The following SWT1 variants were observed in gnomAD, a reference collection of about 807,000 sequenced individuals.
SWT1 encodes the protein transcriptional protein SWT1.
Under a neutral mutation model 107.3 loss-of-function variants are expected in SWT1, and 33 were observed. The observed-to-expected ratio is 0.31, with a 90% CI of 0.23 to 0.41. The LOEUF (loss-of-function observed/expected upper bound fraction) is 0.41, where lower values mean the gene tolerates loss of function less well. Ranked by LOEUF, SWT1 falls within the 10% of genes least tolerant of loss-of-function variation. SWT1 has a pLI of 1.00. For missense variants in SWT1, 898 were observed against 1,028.9 expected (o/e 0.87, Z 1.74); for synonymous variants, 345 against 348.3 (o/e 0.99, Z 0.11).
chr1:185,263,803 A>G, intron 16 of SWT1: 1 of 152,046 alleles, frequency 6.6e-6, no homozygotes, highest in Non-Finnish European at 1.5e-5. Context: ...TTACCCTGGC[A>G]GAAGATTGTA....
Position 185,175,052 on chromosome 1 carries a change from G to A in SWT1, c.905G>A (p.Arg302Gln), listed in dbSNP as rs1364296965. The change falls in exon 5 of 19, where the codon CGA (arginine) becomes CAA (glutamine). Residue 302 changes from arginine (R) to glutamine (Q), a missense_variant. Coordinates refer to ENST00000367500, the MANE Select transcript of SWT1 (RefSeq NM_017673.7). ...AAGCGGACTGTTCATGAGTGGAAAC[G>A]AAAACATCATTATGACCATCAAGAA... ...TYKRTVHEWK[R>Q]KHHYDHQESN... The A allele has an allele frequency of 5.0e-6, 8 of 1,596,668 alleles. No homozygotes were observed. In the African/African-American group the frequency reaches 8.1e-5, roughly 16 times the overall value.
In SWT1 at chr1:185,176,373, T is replaced by TA. The variant is rs1453349952; in HGVS notation, c.966+1261dup. Among the ~76,000 whole-genome samples the TA allele has an allele frequency of 2.7e-5, 4 of 150,302 alleles. No homozygotes were observed. In the East Asian group the frequency reaches 7.8e-4, roughly 29 times the overall value. ...ACAGACCTAAAGAATGAGTCGAAGTTACTTAAGTGGAGGTGAAGTGAGGTA... is the reference window on the plus strand; with the variant it reads ...ACAGACCTAAAGAATGAGTCGAAGTTAACTTAAGTGGAGGTGAAGTGAGGTA... On this transcript the variant is annotated intron_variant, in intron 5 of 18. Coordinates refer to ENST00000367500, the MANE Select transcript of SWT1 (RefSeq NM_017673.7).
intron 16 of SWT1, among the ~76,000 whole-genome samples, chr1:185,257,099 C>T (rs1327358121): frequency 2.0e-5 from 3 of 152,112 alleles, no homozygotes; most frequent in Non-Finnish European, 4.4e-5. Flanking sequence ...GCTCGGGGGT[C>T]AGGTGTCAGG....
intron 9 of SWT1, among the ~76,000 whole-genome samples, chr1:185,187,509 G>C (rs909729535): frequency 1.7e-4 from 26 of 152,016 alleles, no homozygotes; most frequent in African/African-American, 6.3e-4. Flanking sequence ...ACCAGACACT[G>C]TTCCAAGTGT....
intron 16 of SWT1, chr1:185,262,423 T>C (rs960305925): frequency 1.3e-5 from 2 of 152,168 alleles, no homozygotes; most frequent in African/African-American, 4.8e-5. Context: ...GCAAAGAAAG[T>C]ATTTAACAAC....
intron 12 of SWT1, among the ~76,000 whole-genome samples, chr1:185,205,101 G>T (rs1387069030): frequency 6.6e-6 from 1 of 151,906 alleles, no homozygotes; most frequent in Non-Finnish European, 1.5e-5. Context: ...TGCATCTGCT[G>T]TGTGTCAGAT....
At position 185,205,649 on chromosome 1, in the gene SWT1, G is replaced by A. The variant is rs190248253; in HGVS notation, c.1833+786G>A. Among the ~76,000 whole-genome samples the A allele has an allele frequency of 2.1e-3, 324 of 152,266 alleles. 2 individuals carry two copies. The highest frequency in any genetic ancestry group is 6.1e-3 in the African/African-American group (254 of 41,530). On this transcript the variant is annotated intron_variant, in intron 12 of 18. Coordinates refer to ENST00000367500, the MANE Select transcript of SWT1 (RefSeq NM_017673.7). ...CTCCCATAGTGCTGGGATTACAGGC[G>A]TGAGCATTTATAGCTAGGAGAAACA...
chr1:185,184,967 T>C (rs757745518), intron 9 of SWT1, 36 bp downstream of exon 9: 2 of 1,365,630 alleles, frequency 1.5e-6, no homozygotes, highest in Admixed American at 2.7e-5. Flanking sequence ...TCCTGATTAA[T>C]ACTTGTTTGG....
intron 14 of SWT1, among the ~76,000 whole-genome samples, chr1:185,219,533 T>G (rs1166998454): frequency 6.6e-6 from 1 of 152,194 alleles, no homozygotes; most frequent in Admixed American, 6.6e-5. Context: ...AATAATCATT[T>G]TATCACAGGG....
Position 185,221,976 on chromosome 1 carries a change from G to A in SWT1, c.2249G>A (p.Ser750Asn). ...VFSSSHLPQP[S>N]RHQEIWSILE... ...TCGAGTTCTCATCTTCCCCAACCCA[G>A]CAGGCATCAAGAAATCTGGTCTATC... The change falls in exon 15 of 19, where the codon AGC (serine) becomes AAC (asparagine). Residue 750 changes from serine to asparagine, a missense_variant. Coordinates refer to ENST00000367500, the MANE Select transcript of SWT1 (RefSeq NM_017673.7). 1 of 1,611,924 alleles carries A rather than the reference G, an allele frequency of 6.2e-7. No individual in the cohort carries two copies.
At chr1:185,194,571 TAA>T (rs76055570) in intron 10 of SWT1, among the ~76,000 whole-genome samples, 1 of 145,640 alleles carries the variant, frequency 6.9e-6, no homozygotes, top group East Asian at 2.0e-4. Context: ...TTGGATACTT[TAA>T]AAAAAAAAAA....
chr1:185,264,081 G>C (rs1663214547), intron 16 of SWT1: 1 of 152,208 alleles, frequency 6.6e-6, no homozygotes. Flanking sequence ...CATTTAGTTG[G>C]TAGCCAGTGG....
intron 11 of SWT1, among the ~76,000 whole-genome samples, chr1:185,204,124 T>C (rs1035810208): frequency 2.0e-5 from 3 of 152,122 alleles, no homozygotes; most frequent in African/African-American, 7.2e-5. Flanking sequence ...GGAAATTTAT[T>C]GATGTGGGCT....
At chr1:185,217,276 G>A (rs1659293656) in intron 14 of SWT1, among the ~76,000 whole-genome samples, 1 of 152,154 alleles carries the variant, frequency 6.6e-6, no homozygotes, top group African/African-American at 2.4e-5. Flanking sequence ...GCCATGACTG[G>A]TATTGGCATA....
In SWT1 at chr1:185,168,234, G is replaced by A. The variant is rs142389200; in HGVS notation, c.166-106G>A. On this transcript the variant is annotated intron_variant, in intron 3 of 18. Coordinates refer to ENST00000367500, the MANE Select transcript of SWT1 (RefSeq NM_017673.7). ...ATAATATCCATCTCACCGGATTACT[G>A]GAAAGATTAAGTAAAAGTATTGTGT... The A allele has an allele frequency of 1.5e-4, 101 of 659,056 alleles. No individual in the cohort carries two copies. The African/African-American group carries it at 2.0e-3, about 13-fold the overall frequency. The allele number at this position is 659,056 out of a possible 1,614,324, so 40.8% of individuals were successfully genotyped here. A position where few individuals can be genotyped will look rare whatever the true frequency, so the allele number is the denominator to read the frequency against.
Position 185,210,334 on chromosome 1 carries a change from C to T in SWT1, c.1972+3571C>T, listed in dbSNP as rs369910493. 3.3e-3 allele frequency among the ~76,000 whole-genome samples: 500 copies of T among 152,178 alleles called. 4 individuals carry two copies. Among genetic ancestry groups the T allele is most frequent in the African/African-American group, 0.011 (477 of 41,522 alleles). On this transcript the variant is annotated intron_variant, in intron 13 of 18. Coordinates refer to ENST00000367500, the MANE Select transcript of SWT1 (RefSeq NM_017673.7). ...TGAATGGTATTGCCTAGGTTTTCTT[C>T]TAGGGTTTTTATGGTTTTAGGTGTT...
intron 16 of SWT1, among the ~76,000 whole-genome samples, chr1:185,251,564 G>C (rs1662022980): frequency 6.6e-6 from 1 of 151,910 alleles, no homozygotes. Context: ...TGCATATTTT[G>C]AGGTTATCTC....
At chr1:185,227,506 G>A in intron 15 of SWT1, 1 of 546,874 alleles carries the variant, frequency 1.8e-6, no homozygotes, top group South Asian at 1.7e-5. Context: ...ACGAGCAGAA[G>A]CAGTCTGACA....
chr1:185,263,510 A>T (rs2102701707), intron 16 of SWT1: 1 of 150,398 alleles, frequency 6.6e-6, no homozygotes, highest in South Asian at 2.1e-4. Flanking sequence ...AAGAGGCTTG[A>T]AAACACCTTA....
Sources: gnomAD v4.1 joint callset for allele counts (sites outside exome capture counted in the v4.1 genomes callset) on GRCh38, gnomAD v4.1.1 for gene constraint, MANE v1.5 for transcripts, NCBI Gene and HGNC (gene_info 2026-07-23, HGNC 2026-07-21) for gene names.